Variants in CRISPLD2 observed in about 807,000 individuals in gnomAD.
CRISPLD2 encodes cysteine rich secretory protein LCCL domain containing 2, also known as cysteine-rich secretory protein LCCL domain-containing 2.
Under a neutral mutation model 71.1 loss-of-function variants are expected in CRISPLD2, and 47 were observed. The ratio of observed to expected loss-of-function variants is 0.66; its 90% CI spans 0.52 to 0.84. The LOEUF is 0.84. Ranked by LOEUF, CRISPLD2 falls within the 40% of genes least tolerant of loss-of-function variation. The pLI, the probability that CRISPLD2 is intolerant of heterozygous loss-of-function variation, is 0.00. For synonymous variants in CRISPLD2, 317 were observed against 250.1 expected (o/e 1.27, Z -2.52); for missense variants, 830 against 651.1 (o/e 1.27, Z -2.99).
intron 13 of CRISPLD2, among the ~76,000 whole-genome samples, chr16:84,886,983 C>T (rs2071619118): frequency 6.6e-6 from 1 of 152,204 alleles, no homozygotes; most frequent in African/African-American, 2.4e-5. Flanking sequence ...GCTTCCCCTC[C>T]GCCAGCCCCT....
chr16:84,860,160 C>T (rs1917342537), intron 6 of CRISPLD2, among the ~76,000 whole-genome samples: 1 of 152,178 alleles, frequency 6.6e-6, no homozygotes, highest in Admixed American at 6.5e-5. Context: ...ATCCATATTT[C>T]AGCTAACCAA....
At chr16:84,868,936 C>T (rs1917617148) in intron 8 of CRISPLD2, 25 bp downstream of exon 8, 1 of 1,517,884 alleles carries the variant, frequency 6.6e-7, no homozygotes, top group Non-Finnish European at 9.0e-7. Context: ...GGCTGTCCTG[C>T]CACTGTAGCC....
In CRISPLD2 at chr16:84,854,735, C is replaced by T. The variant is rs765445033; in HGVS notation, c.615C>T (p.Asn205=). 6.2e-7 allele frequency: 1 copy of T among 1,613,738 alleles called. No homozygotes were observed. Among genetic ancestry groups the T allele is most frequent in the African/African-American group, 1.3e-5 (1 of 74,896 alleles). ...TTTTTGGGTCTGTCCTCAGGGGGAA[C>T]TGGATTGGAGAAGCCCCCTACAAGA... ...YFVCNYSPKG[N]WIGEAPYKNG... The change falls in exon 6 of 15, where the codon AAC becomes AAT. Residue 205 remains asparagine, a synonymous_variant. Coordinates refer to ENST00000262424, the MANE Select transcript of CRISPLD2 (RefSeq NM_031476.4).
At chr16:84,898,413 C>G (rs2071725223) in intron 14 of CRISPLD2, among the ~76,000 whole-genome samples, 1 of 152,176 alleles carries the variant, frequency 6.6e-6, no homozygotes, top group South Asian at 2.1e-4. Flanking sequence ...TTCCACCTCA[C>G]TGGCCTCTCT....
intron 2 of CRISPLD2, among the ~76,000 whole-genome samples, chr16:84,845,482 G>A (rs373699859): frequency 5.3e-5 from 8 of 152,338 alleles, no homozygotes; most frequent in East Asian, 1.9e-4. Context: ...ACAGCGTGCC[G>A]TGTTACCCTC....
In CRISPLD2 at chr16:84,840,546, G is replaced by A. The variant is rs368732634; in HGVS notation, c.240+1811G>A. Among the ~76,000 whole-genome samples the A allele has an allele frequency of 1.4e-4, 22 of 152,178 alleles. 1 individual carries two copies. Among genetic ancestry groups the A allele is most frequent in the Admixed American group, 6.5e-4 (10 of 15,286 alleles). ...TTTTGAGACAGAGTGTTGCCCTGTCGTCCAGGCTGGGGTGCAATGGTGCCA... is the reference window on the plus strand; with the variant it reads ...TTTTGAGACAGAGTGTTGCCCTGTCATCCAGGCTGGGGTGCAATGGTGCCA... On this transcript the variant is annotated intron_variant, in intron 2 of 14. Coordinates refer to ENST00000262424, the MANE Select transcript of CRISPLD2 (RefSeq NM_031476.4).
At chr16:84,847,531 A>G (rs568776843) in intron 3 of CRISPLD2, among the ~76,000 whole-genome samples, 29 of 152,150 alleles carry the variant, frequency 1.9e-4, no homozygotes, top group South Asian at 8.3e-4. Context: ...GGCGCCTGTC[A>G]TCCCAGCTAC....
intron 1 of CRISPLD2, among the ~76,000 whole-genome samples, chr16:84,836,879 C>T (rs1214924108): frequency 1.3e-5 from 2 of 152,182 alleles, no homozygotes; most frequent in East Asian, 1.9e-4. Flanking sequence ...GCCTGAGGCA[C>T]GGCCACCACC....
chr16:84,904,715 A>G (rs1411653484), intron 14 of CRISPLD2, among the ~76,000 whole-genome samples: 1 of 152,228 alleles, frequency 6.6e-6, no homozygotes, highest in Non-Finnish European at 1.5e-5. Flanking sequence ...TGGGCAGAGA[A>G]TAATTTCTCA....
At chr16:84,857,706 A>G (rs1282413790) in intron 6 of CRISPLD2, among the ~76,000 whole-genome samples, 1 of 152,188 alleles carries the variant, frequency 6.6e-6, no homozygotes, top group East Asian at 1.9e-4. Flanking sequence ...TCTGTGAACC[A>G]GGCCCTAGTC....
At chr16:84,871,880 A>G (rs1387213980) in intron 8 of CRISPLD2, among the ~76,000 whole-genome samples, 5 of 100,858 alleles carry the variant, frequency 5.0e-5, no homozygotes, top group African/African-American at 1.5e-4. Context: ...GAAAAAAAAA[A>G]AAAAAAAAAA....
At chr16:84,854,681 C>T (rs2143230526) in intron 5 of CRISPLD2, 48 bp from the exon 6 acceptor site, 1 of 1,375,142 alleles carries the variant, frequency 7.3e-7, no homozygotes, top group Non-Finnish European at 1.0e-6. Flanking sequence ...AGTCCCGAGG[C>T]CTCACGTCGT....
intron 1 of CRISPLD2, among the ~76,000 whole-genome samples, chr16:84,832,910 C>T (rs796240529): frequency 3.9e-5 from 6 of 152,334 alleles, no homozygotes; most frequent in African/African-American, 1.4e-4. Flanking sequence ...GGAGACCCCT[C>T]GCTAAACTTG....
At chr16:84,885,822 T>TC (rs1185778343) in intron 13 of CRISPLD2, among the ~76,000 whole-genome samples, 1 of 143,328 alleles carries the variant, frequency 7.0e-6, no homozygotes, top group Non-Finnish European at 1.5e-5. Context: ...CTTTTTTTTT[T>TC]TTTTTTTTTT....
At chr16:84,880,274 ATG>A (rs1854129686) in intron 12 of CRISPLD2, among the ~76,000 whole-genome samples, 1 of 151,376 alleles carries the variant, frequency 6.6e-6, no homozygotes, top group Non-Finnish European at 1.5e-5. Context: ...TCTTTTGTGG[ATG>A]TGTGTGTGTT....
At chr16:84,900,710 C>G (rs907993099) in intron 14 of CRISPLD2, among the ~76,000 whole-genome samples, 5 of 151,986 alleles carry the variant, frequency 3.3e-5, no homozygotes, top group East Asian at 1.9e-4. Context: ...CACCCTCACA[C>G]AAAAGCAAAA....
intron 1 of CRISPLD2, chr16:84,836,488 G>A (rs1052430492): frequency 2.4e-4 from 36 of 152,292 alleles, no homozygotes; most frequent in African/African-American, 8.4e-4. Context: ...TTTGGAGGAG[G>A]GCAGCCCGTC....
chr16:84,837,063 A>G (rs868509919), intron 1 of CRISPLD2, among the ~76,000 whole-genome samples: 47 of 152,122 alleles, frequency 3.1e-4, no homozygotes, highest in African/African-American at 1.1e-3. Flanking sequence ...CCCAGTCTCC[A>G]TCTCGGAGTC....
intron 2 of CRISPLD2, 37 bp downstream of exon 2, chr16:84,838,772 G>C: frequency 6.3e-7 from 1 of 1,588,172 alleles, no homozygotes; most frequent in Non-Finnish European, 8.5e-7. Context: ...CTGGCACCGG[G>C]GGTGGGGCCT....
Sources: allele counts gnomAD v4.1 joint callset (sites outside exome capture counted in the v4.1 genomes callset), GRCh38; gene constraint gnomAD v4.1.1; transcripts MANE v1.5; gene names NCBI Gene and HGNC (gene_info 2026-07-23, HGNC 2026-07-21).